The following ERC2 variants were observed in gnomAD, a reference collection of about 807,000 sequenced individuals.
The protein encoded by ERC2 is ERC protein 2.
In ERC2, 42 loss-of-function variants were observed where a neutral mutation model predicts 114.8. The ratio of observed to expected loss-of-function variants is 0.37; its 90% CI spans 0.29 to 0.47. The LOEUF (loss-of-function observed/expected upper bound fraction) is 0.47, where lower values mean the gene tolerates loss of function less well. ERC2 is among the 20% of genes least tolerant of loss of function. The pLI is 0.99. For missense variants in ERC2, 939 were observed against 1,150.7 expected, an observed-to-expected ratio of 0.82 and a Z score of 2.66; for synonymous variants, 454 against 425.5, an observed-to-expected ratio of 1.07 and a Z score of -0.82.
intron 10 of ERC2, among the ~76,000 whole-genome samples, chr3:55,995,516 T>A (rs948116202): frequency 4.6e-5 from 7 of 152,198 alleles, no homozygotes; most frequent in African/African-American, 1.4e-4. Context: ...TTAAATGTTT[T>A]TAAATCAACA....
chr3:55,518,988 T>C (rs2052718863), intron 17 of ERC2, among the ~76,000 whole-genome samples: 1 of 152,220 alleles, frequency 6.6e-6, no homozygotes, highest in Non-Finnish European at 1.5e-5. Context: ...TTGGGAATCT[T>C]TGCGGGTGCC....
chr3:55,962,994 G>C (rs1168787611), intron 12 of ERC2, among the ~76,000 whole-genome samples: 2 of 152,192 alleles, frequency 1.3e-5, no homozygotes, highest in Non-Finnish European at 2.9e-5. Context: ...CCAGTAGCTT[G>C]GTTGACTATT....
intron 17 of ERC2, among the ~76,000 whole-genome samples, chr3:55,534,937 G>A (rs2053904268): frequency 6.6e-6 from 1 of 152,106 alleles, no homozygotes; most frequent in African/African-American, 2.4e-5. Context: ...AAGACATAAC[G>A]GTGAAGAGGC....
chr3:55,604,238 C>T (rs2148539684), intron 17 of ERC2, among the ~76,000 whole-genome samples: 1 of 152,210 alleles, frequency 6.6e-6, no homozygotes, highest in Admixed American at 6.5e-5. Flanking sequence ...ATGAAGAAAA[C>T]AACCGAGACC....
intron 2 of ERC2, among the ~76,000 whole-genome samples, chr3:56,342,834 A>C (rs1341608376): frequency 3.3e-5 from 5 of 152,188 alleles, no homozygotes; most frequent in Non-Finnish European, 7.3e-5. Context: ...AGAATCTGAG[A>C]AATGATGGTC....
At chr3:56,430,165 A>G (rs2061732336) in intron 2 of ERC2, among the ~76,000 whole-genome samples, 1 of 152,210 alleles carries the variant, frequency 6.6e-6, no homozygotes, top group Admixed American at 6.5e-5. Flanking sequence ...AATTCTAAAT[A>G]TCTAAATACC....
intron 3 of ERC2, among the ~76,000 whole-genome samples, chr3:56,250,533 G>A (rs763260164): frequency 6.6e-6 from 1 of 152,234 alleles, no homozygotes; most frequent in Non-Finnish European, 1.5e-5. Context: ...CGCTTCAGCA[G>A]TACGTACACC....
chr3:56,272,548 T>G (rs1278956588), intron 3 of ERC2, among the ~76,000 whole-genome samples: 1 of 152,220 alleles, frequency 6.6e-6, no homozygotes, highest in Non-Finnish European at 1.5e-5. Context: ...GGCAGGCAGA[T>G]CACCTGACAT....
intron 2 of ERC2, among the ~76,000 whole-genome samples, chr3:56,385,750 C>A (rs1371045421): frequency 1.3e-5 from 2 of 152,094 alleles, no homozygotes; most frequent in Non-Finnish European, 2.9e-5. Context: ...CATAAACATA[C>A]ATATTCTTTT....
At chr3:56,209,843 AG>A (rs991679370) in intron 3 of ERC2, among the ~76,000 whole-genome samples, 27 of 152,142 alleles carry the variant, frequency 1.8e-4, no homozygotes, top group African/African-American at 6.3e-4. Context: ...TACAACTGAA[AG>A]TTTCATAAAG....
intron 3 of ERC2, among the ~76,000 whole-genome samples, chr3:56,264,043 G>T (rs1233891089): frequency 6.6e-6 from 1 of 152,032 alleles, no homozygotes; most frequent in African/African-American, 2.4e-5. Context: ...CAGAATGAGG[G>T]CTAAAAACCA....
intron 13 of ERC2, among the ~76,000 whole-genome samples, chr3:55,931,860 G>A (rs184705919): frequency 8.2e-4 from 125 of 152,274 alleles, no homozygotes; most frequent in African/African-American, 2.9e-3. Flanking sequence ...TGGCTCAAAG[G>A]TGTTCATCTT....
At chr3:55,963,252 T>C (rs2068515963) in intron 12 of ERC2, among the ~76,000 whole-genome samples, 1 of 152,238 alleles carries the variant, frequency 6.6e-6, no homozygotes, top group Admixed American at 6.5e-5. Flanking sequence ...TAAGGTTCTA[T>C]GGATGGATAT....
chr3:55,659,613 A>T (rs915872946), intron 17 of ERC2, among the ~76,000 whole-genome samples: 18 of 152,068 alleles, frequency 1.2e-4, no homozygotes, highest in Non-Finnish European at 1.9e-4. Flanking sequence ...CGTCCATGCC[A>T]CTGCTCAGCC....
chr3:55,883,110 A>C (rs910441575), intron 14 of ERC2, among the ~76,000 whole-genome samples: 3 of 152,262 alleles, frequency 2.0e-5, no homozygotes, highest in Non-Finnish European at 4.4e-5. Context: ...GTAGATCATC[A>C]GTGAATATTT....
intron 7 of ERC2, among the ~76,000 whole-genome samples, chr3:56,069,547 G>T (rs1158212215): frequency 6.6e-6 from 1 of 152,124 alleles, no homozygotes; most frequent in African/African-American, 2.4e-5. Context: ...CTCTCTGGAG[G>T]CTCTAGGGAA....
chr3:56,182,431 A>G (rs2083338788), intron 3 of ERC2, among the ~76,000 whole-genome samples: 2 of 152,236 alleles, frequency 1.3e-5, no homozygotes, highest in African/African-American at 4.8e-5. Flanking sequence ...GTCCTACAGT[A>G]CTTTCGACCA....
chr3:55,957,114 T>A (rs546719910), intron 12 of ERC2, among the ~76,000 whole-genome samples: 1 of 152,130 alleles, frequency 6.6e-6, no homozygotes, highest in Non-Finnish European at 1.5e-5. Flanking sequence ...GTGTCCAGAT[T>A]TGAAAACTTG....
intron 14 of ERC2, among the ~76,000 whole-genome samples, chr3:55,851,095 G>T (rs142236787): frequency 3.5e-3 from 535 of 152,180 alleles, no homozygotes; most frequent in African/African-American, 0.012. Flanking sequence ...TTCAGAGACT[G>T]CAGAGACTGC....
Sources: allele counts gnomAD v4.1 joint callset (sites outside exome capture counted in the v4.1 genomes callset), GRCh38; gene constraint gnomAD v4.1.1; transcripts MANE v1.5; gene names NCBI Gene and HGNC (gene_info 2026-07-23, HGNC 2026-07-21).